The following MUSK variants were observed in gnomAD, a reference collection of about 807,000 sequenced individuals.
MUSK encodes the protein muscle, skeletal receptor tyrosine-protein kinase.
In MUSK, 55 loss-of-function variants were observed where a neutral mutation model predicts 88.7. The ratio of observed to expected loss-of-function variants is 0.62; its 90% confidence interval spans 0.50 to 0.78. The LOEUF is 0.78. Among genes scored for constraint, MUSK ranks in the 30% least tolerant of loss-of-function variants. MUSK has a pLI of 0.00. For synonymous variants in MUSK, 387 were observed against 391.9 expected (o/e 0.99, Z 0.15); for missense variants, 1,015 against 1,074.3 (o/e 0.94, Z 0.77).
intron 8 of MUSK, among the ~76,000 whole-genome samples, chr9:110,762,690 T>C (rs2077419594): frequency 6.6e-6 from 1 of 152,220 alleles, no homozygotes. Context: ...CTTATAGCTC[T>C]AACCTATATA....
At chr9:110,701,895 T>G (rs2076530562) in intron 5 of MUSK, among the ~76,000 whole-genome samples, 1 of 119,492 alleles carries the variant, frequency 8.4e-6, no homozygotes, top group Admixed American at 1.1e-4. Context: ...TTTTATTTTA[T>G]TTTATTTTAT....
intron 1 of MUSK, among the ~76,000 whole-genome samples, chr9:110,675,562 CTTTTTTT>C (rs10607243): frequency 4.9e-5 from 3 of 61,614 alleles, no homozygotes; most frequent in East Asian, 4.5e-4. Context: ...ATAGTCTTCC[CTTTTTTT>C]TTTTTTTTTT....
At chr9:110,742,654 T>G (rs780681392) in intron 6 of MUSK, among the ~76,000 whole-genome samples, 1 of 152,204 alleles carries the variant, frequency 6.6e-6, no homozygotes, top group Non-Finnish European at 1.5e-5. Flanking sequence ...TAGGATAGTT[T>G]AAGATAGTTG....
intron 9 of MUSK, among the ~76,000 whole-genome samples, chr9:110,769,985 A>G (rs1032053796): frequency 6.6e-6 from 1 of 152,130 alleles, no homozygotes; most frequent in Non-Finnish European, 1.5e-5. Flanking sequence ...AAAAGAACAC[A>G]GTACTTTCAT....
intron 6 of MUSK, among the ~76,000 whole-genome samples, chr9:110,738,834 C>T (rs546551307): frequency 6.6e-6 from 1 of 152,234 alleles, no homozygotes; most frequent in African/African-American, 2.4e-5. Context: ...CTTCAGAAAT[C>T]AGGGAACATT....
chr9:110,711,886 G>C (rs10817082), intron 5 of MUSK, among the ~76,000 whole-genome samples: 86,055 of 152,044 alleles, frequency 0.57, 25,381 homozygotes, highest in Non-Finnish European at 0.64. Context: ...CCTGTGTTGT[G>C]TGATTCCAAT....
chr9:110,691,457 C>G (rs1323306318), intron 3 of MUSK, among the ~76,000 whole-genome samples: 1 of 152,138 alleles, frequency 6.6e-6, no homozygotes, highest in East Asian at 1.9e-4. Flanking sequence ...TGTTCTCTTA[C>G]CTTGATTCGT....
At chr9:110,774,281 G>A (rs926070993) in intron 9 of MUSK, among the ~76,000 whole-genome samples, 1 of 152,068 alleles carries the variant, frequency 6.6e-6, no homozygotes, top group African/African-American at 2.4e-5. Context: ...ATTGTTAAGT[G>A]TTGGTTTTAT....
chr9:110,764,716 C>T (rs72756539), intron 8 of MUSK, among the ~76,000 whole-genome samples: 4,096 of 152,062 alleles, frequency 0.027, 97 homozygotes, highest in Middle Eastern at 0.044. Context: ...AAAGCCAAGT[C>T]CTTAATTATT....
chr9:110,762,289 G>A, intron 8 of MUSK, 81 bp downstream of exon 8: 1 of 1,146,276 alleles, frequency 8.7e-7, no homozygotes. Flanking sequence ...TCTGTGAGAG[G>A]GTCTTGTGTT....
intron 6 of MUSK, among the ~76,000 whole-genome samples, chr9:110,743,253 C>T (rs556275349): frequency 3.9e-5 from 6 of 152,132 alleles, no homozygotes; most frequent in African/African-American, 9.7e-5. Flanking sequence ...GGAGAAAGTC[C>T]AGCAACGTGT....
chr9:110,675,699 A>G (rs535364155), intron 1 of MUSK, among the ~76,000 whole-genome samples: 4 of 147,708 alleles, frequency 2.7e-5, no homozygotes, highest in African/African-American at 1.0e-4. Context: ...CCTCCCGAGT[A>G]GCTGGGATTA....
At chr9:110,788,526 G>A (rs950307994) in intron 14 of MUSK, among the ~76,000 whole-genome samples, 2 of 151,784 alleles carry the variant, frequency 1.3e-5, no homozygotes, top group African/African-American at 2.4e-5. Context: ...TAGCTACTCG[G>A]GAGGCTGAGG....
At chr9:110,747,919 G>A in intron 7 of MUSK, 119 bp downstream of exon 7, 1 of 1,353,212 alleles carries the variant, frequency 7.4e-7, no homozygotes, top group Non-Finnish European at 1.0e-6. Flanking sequence ...AGTTGCATTT[G>A]GGCTATTTCC....
chr9:110,798,027 T>C (rs1199081195), intron 14 of MUSK, among the ~76,000 whole-genome samples: 6 of 152,322 alleles, frequency 3.9e-5, no homozygotes, highest in Admixed American at 2.0e-4. Flanking sequence ...CTGAAACTTA[T>C]GTTGCCGTTT....
intron 5 of MUSK, among the ~76,000 whole-genome samples, chr9:110,701,754 AT>A (rs1357908408): frequency 4.5e-3 from 1 of 224 alleles, no homozygotes; most frequent in Non-Finnish European, 5.7e-3. Context: ...ATTTTATTTT[AT>A]TTTATTTTAT....
At chr9:110,687,416 C>A (rs561745102) in intron 3 of MUSK, 148 bp downstream of exon 3, 26 of 853,092 alleles carry the variant, frequency 3.0e-5, no homozygotes, top group African/African-American at 5.1e-5. Flanking sequence ...TTCACTGCAA[C>A]CTCCACCTCC....
chr9:110,678,910 T>A (rs1395704561), intron 1 of MUSK, among the ~76,000 whole-genome samples: 1 of 152,000 alleles, frequency 6.6e-6, no homozygotes, highest in African/African-American at 2.4e-5. Context: ...TTTTTTGCTA[T>A]CTTTTTATTG....
intron 7 of MUSK, among the ~76,000 whole-genome samples, chr9:110,753,374 A>G (rs117207364): frequency 0.095 from 14,337 of 151,714 alleles, 721 homozygotes; most frequent in Middle Eastern, 0.15. Flanking sequence ...GGAGGCTGCA[A>G]TGAGCTGAAA....
Sources: allele counts gnomAD v4.1 joint callset (sites outside exome capture counted in the v4.1 genomes callset), GRCh38; gene constraint gnomAD v4.1.1; transcripts MANE v1.5; gene names NCBI Gene and HGNC (gene_info 2026-07-23, HGNC 2026-07-21).